The following FRAS1 variants were observed in gnomAD, a reference collection of about 807,000 sequenced individuals.
FRAS1 encodes the protein extracellular matrix organizing protein FRAS1.
FRAS1 carries 290 observed loss-of-function variants against 435.2 expected under a neutral mutation model. That is an observed-to-expected ratio of 0.67 (90% CI 0.61 to 0.73). The LOEUF (loss-of-function observed/expected upper bound fraction) is 0.73. Among genes scored for constraint, FRAS1 ranks in the 30% least tolerant of loss-of-function variants. FRAS1 has a pLI of 0.00. For synonymous variants in FRAS1, 1,800 were observed against 1,851.0 expected (o/e 0.97, Z 0.71); for missense variants, 4,860 against 5,001.5 (o/e 0.97, Z 0.85).
At position 78,407,787 on chromosome 4, in the gene FRAS1, C is replaced by T. The variant is rs773021393; in HGVS notation, c.4254C>T (p.Ile1418=). The T allele has an allele frequency of 3.3e-5, 54 of 1,613,714 alleles. No homozygotes were observed. The highest frequency in any genetic ancestry group is 4.1e-5 in the Non-Finnish European group (48 of 1,179,822). ...TFTQQDINEG[I]VWYRHSGAPA... Reference sequence around the variant, plus strand: ...CCCAGCAGGACATCAATGAAGGCATCGTATGGTACAGGCACTCAGGAGCCC... The same window carrying T: ...CCCAGCAGGACATCAATGAAGGCATTGTATGGTACAGGCACTCAGGAGCCC... The change falls in exon 31 of 74, where the codon ATC becomes ATT. Residue 1418 remains isoleucine (I), a synonymous_variant. Coordinates refer to ENST00000512123, the MANE Select transcript of FRAS1 (RefSeq NM_025074.7).
chr4:78,416,896 C>T (rs1733576664), intron 32 of FRAS1, among the ~76,000 whole-genome samples: 1 of 151,984 alleles, frequency 6.6e-6, no homozygotes, highest in African/African-American at 2.4e-5. Flanking sequence ...AGAGTGGTGG[C>T]AGTGGGGTGG....
rs1721642666 is a variant in FRAS1, at chr4:78,529,372, A to G, written c.10925+2715A>G. Among the ~76,000 whole-genome samples, 4 of 152,270 alleles carry G rather than the reference A, an allele frequency of 2.6e-5. No homozygotes were observed. The South Asian group carries it at 8.3e-4, about 32-fold the overall frequency. ...TTCAGATATTCTGAAGACTATATAT[A>G]TATCATATAGCAGATCTACCACCCA... On this transcript the variant is annotated intron_variant, in intron 70 of 73. Coordinates refer to ENST00000512123, the MANE Select transcript of FRAS1 (RefSeq NM_025074.7).
chr4:78,500,589 G>T (rs941010197), intron 61 of FRAS1, among the ~76,000 whole-genome samples: 1 of 152,154 alleles, frequency 6.6e-6, no homozygotes, highest in African/African-American at 2.4e-5. Flanking sequence ...CACCATTTGC[G>T]ACGTAGCCAG....
intron 32 of FRAS1, among the ~76,000 whole-genome samples, chr4:78,416,849 A>C (rs565711764): frequency 6.6e-6 from 1 of 152,102 alleles, no homozygotes; most frequent in Non-Finnish European, 1.5e-5. Context: ...TTGGGAGGCC[A>C]CTGGGTTAAT....
At position 78,126,626 on chromosome 4, in the gene FRAS1, CTA is replaced by C. The variant is rs1290869994; in HGVS notation, c.108+60612_108+60613del. ...TTGTATTGAAAATTCTTGGTTTTGTCTATGAGTGCTAGACCAGCCCATGCTCC... is the reference window on the plus strand; with the variant it reads ...TTGTATTGAAAATTCTTGGTTTTGTCTGAGTGCTAGACCAGCCCATGCTCC... On this transcript the variant is annotated intron_variant, in intron 2 of 73. Transcript: ENST00000512123. Among the ~76,000 whole-genome samples the C allele has an allele frequency of 4.6e-5, 7 of 152,326 alleles. No individual in the cohort carries two copies. In the South Asian group the frequency reaches 1.2e-3, roughly 27 times the overall value.
chr4:78,517,700 G>C (rs1653764225), intron 66 of FRAS1, among the ~76,000 whole-genome samples: 1 of 152,148 alleles, frequency 6.6e-6, no homozygotes, highest in Admixed American at 6.5e-5. Flanking sequence ...GCCTTGCACA[G>C]TGTGCCTGGT....
rs1722037733 is a variant in FRAS1 at position 78,541,081 on chromosome 4, A to T, written c.11996A>T (p.Glu3999Val). The change falls in exon 74 of 74, where the codon GAA (glutamate) becomes GTA (valine). Residue 3999 changes from glutamate (E) to valine (V), a missense_variant. By Grantham distance (121) the Glu-to-Val change is moderately radical (BLOSUM62 -2). Transcript: ENST00000512123. ...GCTAAAGTCAAAAGACTGAATCTAGAAGTCAGAGTTCACAACAATTTACAA... is the reference window on the plus strand; with the variant it reads ...GCTAAAGTCAAAAGACTGAATCTAGTAGTCAGAGTTCACAACAATTTACAA... ...KGAKVKRLNL[E>V]VRVHNNLQDG... 7.2e-7 allele frequency: 1 copy of T among 1,398,198 alleles called. No individual in the cohort carries two copies. The highest frequency in any genetic ancestry group is 2.2e-5 in the South Asian group (1 of 46,368). 86.6% of individuals were successfully genotyped at this position (1,398,198 alleles called of 1,614,324 possible).
intron 2 of FRAS1, among the ~76,000 whole-genome samples, chr4:78,234,842 G>A (rs915510094): frequency 4.6e-5 from 7 of 151,792 alleles, no homozygotes; most frequent in African/African-American, 1.7e-4. Flanking sequence ...GCTTGGAAAT[G>A]TTGTGTATAT....
intron 56 of FRAS1, 64 bp from the exon 57 acceptor site, chr4:78,481,740 T>C: frequency 1.3e-6 from 2 of 1,584,866 alleles, no homozygotes; most frequent in Non-Finnish European, 1.7e-6. Context: ...AACATCATTC[T>C]GAAAACCTCG....
intron 23 of FRAS1, among the ~76,000 whole-genome samples, chr4:78,371,113 T>C (rs1731491066): frequency 6.9e-6 from 1 of 145,552 alleles, no homozygotes; most frequent in Admixed American, 7.0e-5. Context: ...TTTTGCCTTC[T>C]AACCAGTAGC....
At chr4:78,301,855 T>TG (rs918271980) in intron 14 of FRAS1, among the ~76,000 whole-genome samples, 3 of 150,114 alleles carry the variant, frequency 2.0e-5, no homozygotes, top group Non-Finnish European at 3.0e-5. Context: ...AGTTTTTTTT[T>TG]TTTTTTTTTT....
intron 2 of FRAS1, among the ~76,000 whole-genome samples, chr4:78,187,473 G>C (rs969987073): frequency 2.0e-5 from 3 of 152,154 alleles, no homozygotes; most frequent in African/African-American, 7.2e-5. Context: ...GTGTCCTACT[G>C]TCTCCCCAGG....
In FRAS1 at chr4:78,371,083, G is replaced by GGTTTTTTT. The variant is rs1456015210; in HGVS notation, c.2869+1099_2869+1100insGTTTTTTT. Among the ~76,000 whole-genome samples, 17 of 127,394 alleles carry GGTTTTTTT rather than the reference G, an allele frequency of 1.3e-4. 1 individual carries two copies. The highest frequency in any genetic ancestry group is 2.2e-4 in the African/African-American group (7 of 31,428). 83.6% of individuals were successfully genotyped at this position (127,394 alleles called of 152,430 possible). ...CTCGAGACCACAGAATTTTTTTTCTGTTTTTTTGTTTTTTTTTTTTTTTGC... is the reference window on the plus strand; with the variant it reads ...CTCGAGACCACAGAATTTTTTTTCTGGTTTTTTTTTTTTTTGTTTTTTTTTTTTTTTGC... On this transcript the variant is annotated intron_variant, in intron 23 of 73. Transcript: ENST00000512123.
chr4:78,310,174 C>T (rs916049592), intron 15 of FRAS1, among the ~76,000 whole-genome samples: 1 of 152,174 alleles, frequency 6.6e-6, no homozygotes, highest in African/African-American at 2.4e-5. Context: ...GCATGTTAAT[C>T]TTTTTCTGCC....
chr4:78,364,984 C>CT (rs970047442), intron 22 of FRAS1, among the ~76,000 whole-genome samples: 13 of 151,850 alleles, frequency 8.6e-5, no homozygotes, highest in Non-Finnish European at 1.6e-4. Context: ...GCCTCAGTTT[C>CT]TTTTTTTTGT....
chr4:78,475,319 A>G, intron 53 of FRAS1, 119 bp from the exon 54 acceptor site: 1 of 1,030,370 alleles, frequency 9.7e-7, no homozygotes, highest in Non-Finnish European at 1.4e-6. Context: ...GAGGAACCAA[A>G]CTTCCTCTTC....
intron 40 of FRAS1, among the ~76,000 whole-genome samples, chr4:78,440,386 A>C (rs1260057438): frequency 6.6e-6 from 1 of 152,104 alleles, no homozygotes; most frequent in Admixed American, 6.5e-5. Flanking sequence ...CCATTTTTAC[A>C]TAAAACCTTG....
chr4:78,147,542 C>T (rs899414621), intron 2 of FRAS1, among the ~76,000 whole-genome samples: 3 of 152,108 alleles, frequency 2.0e-5, no homozygotes, highest in Admixed American at 1.3e-4. Flanking sequence ...CGTAAAAGGC[C>T]TTAGCTTTAG....
At chr4:78,144,659 A>G (rs962780516) in intron 2 of FRAS1, among the ~76,000 whole-genome samples, 7 of 152,258 alleles carry the variant, frequency 4.6e-5, no homozygotes, top group African/African-American at 1.7e-4. Context: ...TTATTGTTCT[A>G]TGTTTTTGAG....
Sources: gnomAD v4.1 joint callset for allele counts (sites outside exome capture counted in the v4.1 genomes callset) on GRCh38, gnomAD v4.1.1 for gene constraint, MANE v1.5 for transcripts, NCBI Gene and HGNC (gene_info 2026-07-23, HGNC 2026-07-21) for gene names.